The following TGS1 variants were observed in gnomAD, a reference collection of about 807,000 sequenced individuals.
The protein encoded by TGS1 is trimethylguanosine synthase 1, also known as trimethylguanosine synthase.
A neutral mutation model predicts 92.2 loss-of-function variants in TGS1; 69 were observed. The ratio of observed to expected loss-of-function variants is 0.75; its 90% CI spans 0.62 to 0.91. TGS1 has a LOEUF of 0.91. TGS1 is among the 40% of genes least tolerant of loss of function. The pLI, the probability that TGS1 is intolerant of heterozygous loss-of-function variation, is 0.00. For synonymous variants in TGS1, 345 were observed against 338.1 expected (o/e 1.02, Z -0.22); for missense variants, 1,062 against 1,001.2 (o/e 1.06, Z -0.82).
Position 55,786,497 on chromosome 8 carries a change from A to C in TGS1, c.599A>C (p.Lys200Thr). 6.2e-7 allele frequency: 1 copy of C among 1,614,146 alleles called. No individual in the cohort carries two copies. Among genetic ancestry groups the C allele is most frequent in the Non-Finnish European group, 8.5e-7 (1 of 1,180,012 alleles). The change falls in exon 4 of 13, where the codon AAG becomes ACG. Residue 200 changes from lysine (K) to threonine (T), a missense_variant. Lys to Thr is a moderately conservative substitution (Grantham distance 78). Coordinates refer to ENST00000260129, the MANE Select transcript of TGS1 (RefSeq NM_024831.8). ...PKLEITEKWEKYWNEYGGGLL... is the reference protein window; with the variant it reads ...PKLEITEKWETYWNEYGGGLL... ...CTAGAAATTACAGAGAAATGGGAAA[A>C]GTATTGGAATGAATATGGAGGAGGA... is the stretch of plus-strand genomic sequence containing the variant.
chr8:55,773,511 C>A lies in TGS1; in HGVS notation c.-108C>A, dbSNP rs1811275099. On this transcript the variant is annotated 5_prime_UTR_variant, in exon 1 of 13. Coordinates refer to ENST00000260129, the MANE Select transcript of TGS1 (RefSeq NM_024831.8). Reference sequence around the variant, plus strand: ...GGCCGCGGGCCAGTTTCTATCTCCTCATCCAGGGCTTGCGGGCGAGGCCTG... The same window carrying A: ...GGCCGCGGGCCAGTTTCTATCTCCTAATCCAGGGCTTGCGGGCGAGGCCTG... 1.3e-6 allele frequency: 1 copy of A among 771,992 alleles called. No individual in the cohort carries two copies. The highest frequency in any genetic ancestry group is 1.8e-5 in the South Asian group (1 of 54,274). The allele number at this position is 771,992 out of a possible 1,614,324, so 47.8% of individuals were successfully genotyped here.
intron 8 of TGS1, among the ~76,000 whole-genome samples, chr8:55,801,264 A>G (rs1166023554): frequency 1.3e-5 from 2 of 152,038 alleles, no homozygotes; most frequent in African/African-American, 2.4e-5. Flanking sequence ...CCACTCACTA[A>G]CTCATTCATT....
chr8:55,825,874 CT>C lies in TGS1; in HGVS notation c.*1185del, dbSNP rs566818508. 2.6e-3 allele frequency among the ~76,000 whole-genome samples: 367 copies of C among 142,300 alleles called. 1 individual carries two copies. The highest frequency in any genetic ancestry group is 0.015 in the Middle Eastern group (4 of 270). The allele number at this position is 142,300 out of a possible 152,430, so 93.4% of individuals were successfully genotyped here. A position where few individuals can be genotyped will look rare whatever the true frequency, so the allele number is the denominator to read the frequency against. On this transcript the variant is annotated 3_prime_UTR_variant, in exon 13 of 13. Coordinates refer to ENST00000260129, the MANE Select transcript of TGS1 (RefSeq NM_024831.8). ...TGGTTTTTAAACTTTATGTAGCATT[CT>C]TTTTTTTTTTTTTAGACAGAGTCTT...
At chr8:55,777,754 C>T (rs1413751120) in intron 1 of TGS1, among the ~76,000 whole-genome samples, 2 of 151,450 alleles carry the variant, frequency 1.3e-5, no homozygotes, top group Non-Finnish European at 3.0e-5. Context: ...AGGCTGGTCT[C>T]GAACTCCTGA....
chr8:55,791,470 T>C (rs1811885185), intron 5 of TGS1, among the ~76,000 whole-genome samples: 1 of 152,248 alleles, frequency 6.6e-6, no homozygotes, highest in Admixed American at 6.5e-5. Context: ...GAAGTGGCAG[T>C]GGTTGTGCCA....
At chr8:55,821,138 TGTTAA>T (rs1449193511) in intron 12 of TGS1, among the ~76,000 whole-genome samples, 1 of 152,196 alleles carries the variant, frequency 6.6e-6, no homozygotes, top group East Asian at 1.9e-4. Context: ...GAAAGTAACA[TGTTAA>T]GTTTTTAAAA....
intron 11 of TGS1, among the ~76,000 whole-genome samples, chr8:55,812,316 T>C (rs1803360468): frequency 6.6e-6 from 1 of 151,800 alleles, no homozygotes; most frequent in African/African-American, 2.4e-5. Flanking sequence ...TCATTTGAGG[T>C]CAGGAGTTCA....
chr8:55,798,836 TCA>T (rs1563459921), intron 7 of TGS1, 76 bp from the exon 8 acceptor site: 3 of 1,187,174 alleles, frequency 2.5e-6, no homozygotes, highest in Non-Finnish European at 3.5e-6. Flanking sequence ...TTCAGTCAAG[TCA>T]CAAATTGTAA....
At chr8:55,812,780 C>T (rs990872461) in intron 11 of TGS1, among the ~76,000 whole-genome samples, 5 of 152,064 alleles carry the variant, frequency 3.3e-5, no homozygotes, top group Admixed American at 2.0e-4. Context: ...GCCATGGTTA[C>T]TTTATTCTGA....
chr8:55,792,362 T>C (rs1196526442), intron 5 of TGS1, among the ~76,000 whole-genome samples: 1 of 152,202 alleles, frequency 6.6e-6, no homozygotes, highest in African/African-American at 2.4e-5. Context: ...GAAATCACTT[T>C]AGGAGATTAA....
chr8:55,814,768 G>T (rs1803432122), intron 12 of TGS1, among the ~76,000 whole-genome samples: 1 of 149,098 alleles, frequency 6.7e-6, no homozygotes, highest in Admixed American at 6.7e-5. Context: ...TACTCGGGAG[G>T]CAGAGGTTGC....
chr8:55,790,757 G>A (rs771613965), intron 5 of TGS1, among the ~76,000 whole-genome samples: 5 of 152,198 alleles, frequency 3.3e-5, no homozygotes, highest in East Asian at 1.9e-4. Context: ...GGCCTCAAGC[G>A]ATCCACTTGC....
chr8:55,814,842 AAAAGAAAG>A (rs1226749077), intron 12 of TGS1, among the ~76,000 whole-genome samples: 28 of 151,006 alleles, frequency 1.9e-4, no homozygotes, highest in African/African-American at 5.8e-4. Context: ...TCTAAAAAAA[AAAAGAAAG>A]AAAGAAAAAC....
At chr8:55,775,166 C>T (rs1048955823) in intron 1 of TGS1, among the ~76,000 whole-genome samples, 2 of 151,640 alleles carry the variant, frequency 1.3e-5, no homozygotes, top group African/African-American at 2.4e-5. Flanking sequence ...GGGCCAGATG[C>T]TCTCTTGAGC....
intron 10 of TGS1, among the ~76,000 whole-genome samples, chr8:55,810,327 T>G (rs1034443584): frequency 6.6e-6 from 1 of 152,268 alleles, no homozygotes; most frequent in African/African-American, 2.4e-5. Context: ...TAATATCTGT[T>G]TCCTCTACCT....
In TGS1 at chr8:55,790,286, A is replaced by G; in HGVS notation, c.1267A>G (p.Lys423Glu). 6.2e-7 allele frequency: 1 copy of G among 1,613,260 alleles called. No homozygotes were observed. Among genetic ancestry groups the G allele is most frequent in the African/African-American group, 1.3e-5 (1 of 75,024 alleles). Reference protein sequence around the residue: ...EEDPPEHKPSKLKRSHELDID... With the variant: ...EEDPPEHKPSELKRSHELDID... ...AGACCCACCTGAGCATAAGCCAAGC[A>G]AACTGAAGAGGAGGTAAGTTACATG... The change falls in exon 5 of 13, where the codon AAA becomes GAA. Residue 423 changes from lysine (K) to glutamate (E), a missense_variant. Transcript: ENST00000260129.
chr8:55,811,153 G>A, intron 11 of TGS1, 56 bp downstream of exon 11: 2 of 601,516 alleles, frequency 3.3e-6, no homozygotes, highest in Non-Finnish European at 5.6e-6. Flanking sequence ...AGAGAAAGGA[G>A]CATGAGAGTG....
At chr8:55,815,219 T>C (rs1322740157) in intron 12 of TGS1, among the ~76,000 whole-genome samples, 3 of 146,522 alleles carry the variant, frequency 2.0e-5, no homozygotes, top group Non-Finnish European at 4.6e-5. Flanking sequence ...TTTCAAAAAC[T>C]TTCCAGAATT....
chr8:55,816,320 C>T (rs1312619713), intron 12 of TGS1, among the ~76,000 whole-genome samples: 1 of 152,074 alleles, frequency 6.6e-6, no homozygotes, highest in Non-Finnish European at 1.5e-5. Flanking sequence ...TTAGTCCTTC[C>T]CAAAGGAAGA....
Sources: gnomAD v4.1 joint callset for allele counts (sites outside exome capture counted in the v4.1 genomes callset) on GRCh38, gnomAD v4.1.1 for gene constraint, MANE v1.5 for transcripts, NCBI Gene and HGNC (gene_info 2026-07-23, HGNC 2026-07-21) for gene names.